The following ADAM11 variants were observed in gnomAD, a reference collection of about 807,000 sequenced individuals.
ADAM11 encodes ADAM metallopeptidase domain 11, also known as disintegrin and metalloproteinase domain-containing protein 11.
Under a neutral mutation model 119.1 loss-of-function variants are expected in ADAM11, and 49 were observed. That is an observed-to-expected ratio of 0.41 (90% CI 0.33 to 0.52). The LOEUF (loss-of-function observed/expected upper bound fraction) is 0.52. Among genes scored for constraint, ADAM11 ranks in the 20% least tolerant of loss-of-function variants. The pLI is 0.20. For synonymous variants in ADAM11, 364 were observed against 408.0 expected (o/e 0.89, Z 1.30); for missense variants, 777 against 1,047.5 (o/e 0.74, Z 3.56).
Position 44,778,022 on chromosome 17 carries a change from C to T in ADAM11, c.2141C>T (p.Pro714Leu). 6.2e-7 allele frequency: 1 copy of T among 1,613,984 alleles called. No individual in the cohort carries two copies. Among genetic ancestry groups the T allele is most frequent in the Non-Finnish European group, 8.5e-7 (1 of 1,179,976 alleles). Residue 714 changes from proline to leucine, a missense_variant, in exon 24 of 27, where the codon CCC (proline) becomes CTC (leucine). By Grantham distance (98) the Pro-to-Leu change is moderately conservative (BLOSUM62 -3). Coordinates refer to ENST00000200557, the MANE Select transcript of ADAM11 (RefSeq NM_002390.6). ...WTGKDCSIHN[P>L]LPTSPPTGET... ...GGCAAAGACTGCAGTATCCATAACC[C>T]CCTGCCCACGTCCCCACCCACGGGG...
rs1037670854 is a variant in ADAM11 at position 44,773,182 on chromosome 17, G to A, written c.826-79G>A. 8.8e-6 allele frequency: 14 copies of A among 1,595,532 alleles called. No individual in the cohort carries two copies. The Admixed American group carries it at 2.2e-4, about 25-fold the overall frequency. ...TGTCAGCCCCTGGCTCCCACTTCCT[G>A]GAGAGAACAGACAGGCCCTCCTCCA... On this transcript the variant is annotated intron_variant, in intron 10 of 26. Transcript: ENST00000200557. This position sits in a 1 kb window ranked among gnomAD's most constrained non-coding sequence, Gnocchi z 4.6.
In ADAM11 at chr17:44,773,952, G is replaced by A. The variant is rs899474287; in HGVS notation, c.993-343G>A. Among the ~76,000 whole-genome samples, 1 of 152,154 alleles carries A rather than the reference G, an allele frequency of 6.6e-6. No individual in the cohort carries two copies. Among genetic ancestry groups the A allele is most frequent in the Non-Finnish European group, 1.5e-5 (1 of 68,016 alleles). Reference sequence around the variant, plus strand: ...CTCAAAATACAAAAATTAGCCAGGCGTGGTGGTGTGCACCTGTAGTCCCAG... The same window carrying A: ...CTCAAAATACAAAAATTAGCCAGGCATGGTGGTGTGCACCTGTAGTCCCAG... On this transcript the variant is annotated intron_variant, in intron 11 of 26. Transcript: ENST00000200557. This position sits in a 1 kb window ranked among gnomAD's most constrained non-coding sequence, Gnocchi z 4.6.
chr17:44,779,817 C>T lies in ADAM11; in HGVS notation c.*63C>T, dbSNP rs1387040949. On this transcript the variant is annotated 3_prime_UTR_variant, in exon 27 of 27. Transcript: ENST00000200557. ...CTCGGCCCTGAACCACGAGGCTGCCCCCATCCAGCCACGGAGGGAGGCACC... is the reference window on the plus strand; with the variant it reads ...CTCGGCCCTGAACCACGAGGCTGCCTCCATCCAGCCACGGAGGGAGGCACC... The T allele has an allele frequency of 6.3e-7, 1 of 1,590,260 alleles. No homozygotes were observed.
Position 44,776,912 on chromosome 17 carries a change from G to C in ADAM11, c.1631G>C (p.Gly544Ala), listed in dbSNP as rs141609665. ...YCDHEQGRCYGGRCKTRDRQC... is the reference protein window; with the variant it reads ...YCDHEQGRCYAGRCKTRDRQC... Reference sequence around the variant, plus strand: ...TTGGACTCTCAGGGCCGCTGCTACGGAGGTCGCTGCAAAACCCGGGACCGG... The same window carrying C: ...TTGGACTCTCAGGGCCGCTGCTACGCAGGTCGCTGCAAAACCCGGGACCGG... The change falls in exon 20 of 27, where the codon GGA becomes GCA. Residue 544 changes from glycine to alanine, a missense_variant. Physicochemically the swap from Gly to Ala is moderately conservative, Grantham distance 60 (BLOSUM62 0). Transcript: ENST00000200557. This position sits in a 1 kb window ranked among gnomAD's most constrained non-coding sequence, Gnocchi z 5.2. 2.5e-6 allele frequency: 4 copies of C among 1,613,458 alleles called. No homozygotes were observed. The African/African-American group carries it at 5.3e-5, about 22-fold the overall frequency.
intron 4 of ADAM11, among the ~76,000 whole-genome samples, chr17:44,771,121 T>A (rs888849406): frequency 4.7e-5 from 7 of 150,434 alleles, no homozygotes; most frequent in East Asian, 2.0e-4. Flanking sequence ...TCTCAAAAAA[T>A]AAATAAATAA....
Position 44,773,019 on chromosome 17 carries a change from G to T in ADAM11, c.759G>T (p.Glu253Asp). 6.2e-7 allele frequency: 1 copy of T among 1,614,034 alleles called. No individual in the cohort carries two copies. The highest frequency in any genetic ancestry group is 1.1e-5 in the South Asian group (1 of 91,084). Residue 253 changes from glutamate (E) to aspartate (D), a missense_variant, in exon 10 of 27, where the codon GAG becomes GAT. Glu to Asp is a conservative substitution (Grantham distance 45). Coordinates refer to ENST00000200557, the MANE Select transcript of ADAM11 (RefSeq NM_002390.6). The surrounding 1 kb of genome is among the most constrained non-coding windows in gnomAD (Gnocchi z 4.6). ...LIVINDHQLF[E>D]QMRQSVVLTS... ...CCCATTCTTCTCTCTCCCAGTTCGA[G>T]CAGATGCGACAGTCGGTGGTCCTCA...
rs777341377 is a variant in ADAM11 at position 44,772,014 on chromosome 17, G to A, written c.543+183G>A. Among the ~76,000 whole-genome samples, 1 of 151,900 alleles carries A rather than the reference G, an allele frequency of 6.6e-6. No homozygotes were observed. The highest frequency in any genetic ancestry group is 1.5e-5 in the Non-Finnish European group (1 of 67,952). On this transcript the variant is annotated intron_variant, in intron 6 of 26. Coordinates refer to ENST00000200557, the MANE Select transcript of ADAM11 (RefSeq NM_002390.6). This position sits in a 1 kb window ranked among gnomAD's most constrained non-coding sequence, Gnocchi z 4.5. ...TGCCCCAGCTCCCCCTGTGCCCCCA[G>A]CTCCAATGTCCCATCTGTCCCATAA...
At chr17:44,767,030 TC>T (rs2049458621) in intron 2 of ADAM11, among the ~76,000 whole-genome samples, 1 of 151,736 alleles carries the variant, frequency 6.6e-6, no homozygotes, top group Non-Finnish European at 1.5e-5. Context: ...CACAGTGAGA[TC>T]CCATCTCTTA....
At chr17:44,760,748 T>G (rs2049379580) in intron 2 of ADAM11, among the ~76,000 whole-genome samples, 1 of 147,976 alleles carries the variant, frequency 6.8e-6, no homozygotes. Context: ...CAGCGGGGAG[T>G]GGTGGGAGGT....
intron 2 of ADAM11, among the ~76,000 whole-genome samples, 175 bp downstream of exon 2, chr17:44,760,072 C>T (rs779643478): frequency 2.6e-5 from 4 of 152,096 alleles, no homozygotes; most frequent in Admixed American, 6.5e-5. Context: ...CCAGGCCTGC[C>T]CAGCCCCAGG....
Position 44,772,106 on chromosome 17 carries a change from C to T in ADAM11, c.544-161C>T, listed in dbSNP as rs1401154145. On this transcript the variant is annotated intron_variant, in intron 6 of 26. Coordinates refer to ENST00000200557, the MANE Select transcript of ADAM11 (RefSeq NM_002390.6). This position sits in a 1 kb window ranked among gnomAD's most constrained non-coding sequence, Gnocchi z 4.5. Reference sequence around the variant, plus strand: ...TCAGGGTGCCCCCAGGTCTTGACCCCGGAATCTGAGCATCTGGGAGATCAG... The same window carrying T: ...TCAGGGTGCCCCCAGGTCTTGACCCTGGAATCTGAGCATCTGGGAGATCAG... 3.3e-5 allele frequency among the ~76,000 whole-genome samples: 5 copies of T among 152,156 alleles called. No homozygotes were observed. Among genetic ancestry groups the T allele is most frequent in the African/African-American group, 7.2e-5 (3 of 41,440 alleles).
In ADAM11 at chr17:44,772,377, C is replaced by T. The variant is rs781018285; in HGVS notation, c.611-22C>T. 31 of 1,579,066 alleles carry T rather than the reference C, an allele frequency of 2.0e-5. No homozygotes were observed. Among genetic ancestry groups the T allele is most frequent in the Non-Finnish European group, 2.3e-5 (27 of 1,161,264 alleles). ...GGTGGGGAGGGGCCGGCTGTGCCCC[C>T]CTCACCTGCCCCTCCCCACAGGCTG... On this transcript the variant is annotated intron_variant, in intron 7 of 26. Coordinates refer to ENST00000200557, the MANE Select transcript of ADAM11 (RefSeq NM_002390.6). This position sits in a 1 kb window ranked among gnomAD's most constrained non-coding sequence, Gnocchi z 4.5.
chr17:44,763,193 G>A (rs557697028), intron 2 of ADAM11, among the ~76,000 whole-genome samples: 19 of 152,270 alleles, frequency 1.2e-4, no homozygotes, highest in African/African-American at 4.6e-4. Flanking sequence ...TTATTTACTA[G>A]GCCTTTTTGG....
chr17:44,769,024 C>G (rs932545294), intron 2 of ADAM11, among the ~76,000 whole-genome samples: 6 of 152,236 alleles, frequency 3.9e-5, no homozygotes, highest in African/African-American at 1.4e-4. Context: ...AGCCCCACTG[C>G]ACTCTGAAAA....
At chr17:44,763,004 T>G (rs1160825622) in intron 2 of ADAM11, among the ~76,000 whole-genome samples, 1 of 151,466 alleles carries the variant, frequency 6.6e-6, no homozygotes, top group African/African-American at 2.4e-5. Context: ...AGCATGGTGC[T>G]GCGCACCTGT....
At chr17:44,768,971 C>T (rs2067653522) in intron 2 of ADAM11, among the ~76,000 whole-genome samples, 1 of 152,220 alleles carries the variant, frequency 6.6e-6, no homozygotes, top group Non-Finnish European at 1.5e-5. Context: ...GGGCCGCCAT[C>T]TTGCTCTGGC....
chr17:44,770,876 AG>A (rs1455744083), intron 4 of ADAM11, among the ~76,000 whole-genome samples: 1 of 152,198 alleles, frequency 6.6e-6, no homozygotes, highest in East Asian at 1.9e-4. Flanking sequence ...CATCACTGGG[AG>A]GCTGAGGTGG....
chr17:44,772,327 G>T lies in ADAM11; in HGVS notation c.604G>T (p.Glu202Ter), dbSNP rs1386032933. ...CCTCCCAGATCCCCTCGGATGCAGG[G>T]AACCAGGTAAGGGAGGGAAGGGGGG... ...PLLPDPLGCR[E>*]PGCLFAVPAQ... is the part of the protein sequence containing the mutation. The change falls in exon 7 of 27, where the codon GAA (glutamate) becomes TAA (stop). Residue 202 changes from glutamate (E) to a stop codon, truncating the protein, a stop_gained. Transcript: ENST00000200557. LOFTEE classifies it high-confidence loss of function. This position sits in a 1 kb window ranked among gnomAD's most constrained non-coding sequence, Gnocchi z 4.5. 1.1e-6 allele frequency: 1 copy of T among 882,924 alleles called. No homozygotes were observed. Among genetic ancestry groups the T allele is most frequent in the Non-Finnish European group, 1.7e-6 (1 of 586,446 alleles). The allele number at this position is 882,924 out of a possible 1,614,324, so 54.7% of individuals were successfully genotyped here.
rs773305764 is a variant in ADAM11 at position 44,778,022 on chromosome 17, C to G, written c.2141C>G (p.Pro714Arg). ...GGCAAAGACTGCAGTATCCATAACC[C>G]CCTGCCCACGTCCCCACCCACGGGG... ...WTGKDCSIHNPLPTSPPTGET... is the reference protein window; with the variant it reads ...WTGKDCSIHNRLPTSPPTGET... Residue 714 changes from proline to arginine, a missense_variant, in exon 24 of 27, where the codon CCC becomes CGC. Pro to Arg is a moderately radical substitution (Grantham distance 103). Transcript: ENST00000200557. 1 of 1,613,864 alleles carries G rather than the reference C, an allele frequency of 6.2e-7. No individual in the cohort carries two copies. Among genetic ancestry groups the G allele is most frequent in the African/African-American group, 1.3e-5 (1 of 74,938 alleles).
Sources: gnomAD v4.1 joint callset for allele counts (sites outside exome capture counted in the v4.1 genomes callset) on GRCh38, gnomAD v4.1.1 for gene constraint, Gnocchi (gnomAD v3.1) non-coding constraint, MANE v1.5 for transcripts, NCBI Gene and HGNC (gene_info 2026-07-23, HGNC 2026-07-21) for gene names.